DDX54: variants seen among roughly 807,000 people sequenced by gnomAD.
DDX54 encodes DEAD-box helicase 54, also known as ATP-dependent RNA helicase DDX54.
A neutral mutation model predicts 105.5 loss-of-function variants in DDX54; 67 were observed. The observed-to-expected ratio is 0.64, with a 90% CI of 0.52 to 0.78. DDX54 has a LOEUF of 0.78. DDX54 is among the 30% of genes least tolerant of loss of function. The pLI, the probability that DDX54 is intolerant of heterozygous loss-of-function variation, is 0.00. For missense variants in DDX54, 1,206 were observed against 1,230.5 expected (o/e 0.98, Z 0.30); for synonymous variants, 514 against 509.9 (o/e 1.01, Z -0.11).
intron 11 of DDX54, among the ~76,000 whole-genome samples, chr12:113,171,893 C>A (rs1241039352): frequency 1.3e-5 from 2 of 152,162 alleles, no homozygotes; most frequent in East Asian, 3.8e-4. Flanking sequence ...AACACACGCA[C>A]GGCACCTAAC....
chr12:113,169,640 TA>T, intron 12 of DDX54, 129 bp downstream of exon 12: 1 of 1,191,054 alleles, frequency 8.4e-7, no homozygotes, highest in Non-Finnish European at 1.1e-6. Context: ...ACAAAACAAA[TA>T]AAATACAATA....
chr12:113,164,495 C>T (rs1307958446), intron 14 of DDX54, among the ~76,000 whole-genome samples: 1 of 152,146 alleles, frequency 6.6e-6, no homozygotes, highest in East Asian at 1.9e-4. Flanking sequence ...GGGTGGATCA[C>T]TTGAGGTCAG....
chr12:113,161,285 G>C lies in DDX54; in HGVS notation c.2398C>G (p.Arg800Gly). Residue 800 changes from arginine (R) to glycine (G), a missense_variant, in exon 19 of 20, where the codon CGA (arginine) becomes GGA (glycine). By Grantham distance (125) the Arg-to-Gly change is moderately radical. Transcript: ENST00000306014. ...TGGCTCTCACCTTGGCCACGGTCTC[G>C]CTTCCCACCTCTTCGCTCTGGGCCT... Reference protein sequence around the residue: ...RRGPERRGGKRDRGQGASRPH... With the variant: ...RRGPERRGGKGDRGQGASRPH... The C allele has an allele frequency of 1.9e-6, 3 of 1,611,780 alleles. No homozygotes were observed. Among genetic ancestry groups the C allele is most frequent in the Non-Finnish European group, 1.7e-6 (2 of 1,178,766 alleles).
In DDX54 at chr12:113,166,024, C is replaced by A. The variant is rs369990848; in HGVS notation, c.1423G>T (p.Gly475Cys). Residue 475 changes from glycine to cysteine, a missense_variant, in exon 13 of 20, where the codon GGT becomes TGT. Gly to Cys is a radical substitution (Grantham distance 159). Transcript: ENST00000306014. ...ACCCGACCCAGCATGCCATCCACAC[C>A]GGCCACACCTGCACCCCACACAGCA... Reference protein sequence around the residue: ...RPLKEPSGVAGVDGMLGRVPQ... With the variant: ...RPLKEPSGVACVDGMLGRVPQ... 6.2e-7 allele frequency: 1 copy of A among 1,605,300 alleles called. No individual in the cohort carries two copies.
chr12:113,176,298 T>G (rs2136323646), intron 7 of DDX54, among the ~76,000 whole-genome samples: 1 of 152,322 alleles, frequency 6.6e-6, no homozygotes, highest in Non-Finnish European at 1.5e-5. Context: ...CCGGGTGCTG[T>G]GGCTCCCGCC....
intron 19 of DDX54, 178 bp from the exon 20 acceptor site, chr12:113,159,287 A>G (rs1471395679): frequency 1.5e-6 from 1 of 667,554 alleles, no homozygotes; most frequent in Non-Finnish European, 2.4e-6. Flanking sequence ...TGGAGTGGTC[A>G]ATAACACGGG....
Position 113,174,654 on chromosome 12 carries a change from C to T in DDX54, c.1054G>A (p.Glu352Lys), listed in dbSNP as rs369837410. The change falls in exon 10 of 20, where the codon GAG becomes AAG. Residue 352 changes from glutamate (E) to lysine (K), a missense_variant. Glu to Lys is a moderately conservative substitution (Grantham distance 56, BLOSUM62 1). Around this residue, in one of 3 missense-constraint regions of DDX54, gnomAD observed 961 missense variants for 1,019.1 expected, o/e 0.94. Transcript: ENST00000306014. ...VVFVATKHHA[E>K]YLTELLTTQR... The stretch of plus-strand genomic sequence containing the variant: ...ACCCTGCTCACCTCAGTGAGGTACT[C>T]GGCGTGGTGCTTCGTGGCCACAAAC... 71 of 1,611,164 alleles carry T rather than the reference C, an allele frequency of 4.4e-5. No homozygotes were observed. The Middle Eastern group carries it at 4.9e-4, about 11-fold the overall frequency.
rs575426549 is a variant in DDX54, at chr12:113,169,254, TG to T, written c.1414+515del. ...TAGTGGCTTGCTTGAGCCCAGGAGTTGGAAGTTGCAGCGAGCCATGATCGCA... is the reference window on the plus strand; with the variant it reads ...TAGTGGCTTGCTTGAGCCCAGGAGTTGAAGTTGCAGCGAGCCATGATCGCA... On this transcript the variant is annotated intron_variant, in intron 12 of 19. Transcript: ENST00000306014. Among the ~76,000 whole-genome samples, 641 of 150,116 alleles carry T rather than the reference TG, an allele frequency of 4.3e-3. 9 individuals carry two copies. Among genetic ancestry groups the T allele is most frequent in the African/African-American group, 0.015 (610 of 40,858 alleles).
chr12:113,179,201 G>A lies in DDX54; in HGVS notation c.506C>T (p.Ala169Val), dbSNP rs1321719215. The A allele has an allele frequency of 3.1e-6, 5 of 1,614,004 alleles. No individual in the cohort carries two copies. In the African/African-American group the frequency reaches 4.0e-5, roughly 13 times the overall value. The part of the protein sequence containing the change: ...KTHSAQTGAR[A>V]LILSPTRELA... ...CTCTCGGGTCGGCGAGAGGATGAGG[G>A]CGCGGGCCCCGGTCTGGGCACTGTG... Residue 169 changes from alanine (A) to valine (V), a missense_variant, in exon 4 of 20, where the codon GCC (alanine) becomes GTC (valine). Ala to Val is a moderately conservative substitution (Grantham distance 64, BLOSUM62 0). This residue lies in a region of DDX54 where 961 missense variants were observed against 1,019.1 expected (regional missense o/e 0.94). Transcript: ENST00000306014.
chr12:113,184,777 G>C (rs1416909454), intron 1 of DDX54, among the ~76,000 whole-genome samples: 1 of 152,166 alleles, frequency 6.6e-6, no homozygotes, highest in Non-Finnish European at 1.5e-5. Context: ...AGCAAGGCGT[G>C]GCTACACAAC....
intron 2 of DDX54, 106 bp from the exon 3 acceptor site, chr12:113,180,111 G>T (rs937577077): frequency 5.5e-6 from 6 of 1,084,862 alleles, no homozygotes; most frequent in African/African-American, 1.6e-5. Flanking sequence ...AAACAGCAAG[G>T]GAAAAAAAAA....
intron 7 of DDX54, among the ~76,000 whole-genome samples, chr12:113,176,503 G>A (rs933072256): frequency 2.0e-5 from 3 of 152,120 alleles, no homozygotes; most frequent in African/African-American, 4.8e-5. Flanking sequence ...GAAGGCGGAG[G>A]TTGAAATGAG....
In DDX54 at chr12:113,174,769, G is replaced by T. The variant is rs12811662; in HGVS notation, c.939C>A (p.Thr313=). ...TGTCCTCCCGCACGAGGAAGAAGGA[G>T]GTCTGTGGGGAGAGGGCATCACGTG... The part of the protein sequence containing the change: ...VDTKLNEQLK[T]SFFLVREDTK... The change falls in exon 10 of 20, where the codon ACC becomes ACA. Residue 313 remains threonine, a splice_region_variant and synonymous_variant. Coordinates refer to ENST00000306014, the MANE Select transcript of DDX54 (RefSeq NM_024072.4). The T allele has an allele frequency of 6.2e-6, 10 of 1,613,302 alleles. No homozygotes were observed. The highest frequency in any genetic ancestry group is 7.6e-6 in the Non-Finnish European group (9 of 1,179,384).
chr12:113,157,251 C>A lies in DDX54; in HGVS notation c.*1626G>T. 3.9e-6 allele frequency: 1 copy of A among 258,462 alleles called. No individual in the cohort carries two copies. Among genetic ancestry groups the A allele is most frequent in the East Asian group, 7.3e-5 (1 of 13,736 alleles). 16.0% of individuals were successfully genotyped at this position (258,462 alleles called of 1,614,324 possible). ...TAATTAAAACAAAAGGAGAGCCACC[C>A]ACGGAGATAAGAGTAGGTCACAAAC... On this transcript the variant is annotated 3_prime_UTR_variant, in exon 20 of 20. Transcript: ENST00000306014.
chr12:113,177,240 T>G (rs1952415099), intron 5 of DDX54, 147 bp from the exon 6 acceptor site: 1 of 829,872 alleles, frequency 1.2e-6, no homozygotes, highest in African/African-American at 1.7e-5. Context: ...TGCTGAGGTA[T>G]GAGGCAAAGG....
In DDX54 at chr12:113,164,268, G is replaced by A. The variant is rs748530808; in HGVS notation, c.1737C>T (p.Asn579=). Residue 579 remains asparagine (N), a synonymous_variant, in exon 15 of 20, where the codon AAC becomes AAT. Transcript: ENST00000306014. ...GGCTGCACAGGTCTCGGCTGGAGGC[G>A]TTGATCTCAAAGATAGTCTGTGGAG... ...YRSRATIFEI[N]ASSRDLCSQV... The A allele has an allele frequency of 1.4e-5, 22 of 1,592,320 alleles. No homozygotes were observed. The highest frequency in any genetic ancestry group is 2.3e-5 in the East Asian group (1 of 44,070).
intron 4 of DDX54, 25 bp downstream of exon 4, chr12:113,179,118 A>G (rs749193886): frequency 6.2e-7 from 1 of 1,613,530 alleles, no homozygotes; most frequent in Non-Finnish European, 8.5e-7. Flanking sequence ...CCTTGCCTCC[A>G]GCCTCTAGCC....
At chr12:113,177,671 G>A (rs946684874) in intron 5 of DDX54, among the ~76,000 whole-genome samples, 2 of 152,022 alleles carry the variant, frequency 1.3e-5, no homozygotes, top group African/African-American at 2.4e-5. Flanking sequence ...TGTTAATAGC[G>A]GCATCCTTAA....
At chr12:113,184,289 C>A (rs1952500206) in intron 1 of DDX54, among the ~76,000 whole-genome samples, 2 of 151,854 alleles carry the variant, frequency 1.3e-5, no homozygotes, top group African/African-American at 4.8e-5. Flanking sequence ...CCTATGTTGC[C>A]CAGGCTGATC....
Sources: gnomAD v4.1 joint callset for allele counts (sites outside exome capture counted in the v4.1 genomes callset) on GRCh38, gnomAD v4.1.1 for gene constraint, gnomAD v4.1.1 regional missense constraint, MANE v1.5 for transcripts, NCBI Gene and HGNC (gene_info 2026-07-23, HGNC 2026-07-21) for gene names.